ALDH1A2: variants seen among roughly 807,000 people sequenced by gnomAD.
The protein encoded by ALDH1A2 is retinal dehydrogenase 2.
Under a neutral mutation model 60.3 loss-of-function variants are expected in ALDH1A2, and 27 were observed. The observed-to-expected ratio is 0.45, with a 90% CI of 0.33 to 0.62. The LOEUF (loss-of-function observed/expected upper bound fraction) is 0.62. ALDH1A2 is among the 20% of genes least tolerant of loss of function. The pLI is 0.02. For synonymous variants in ALDH1A2, 289 were observed against 232.4 expected, an observed-to-expected ratio of 1.24 and a Z score of -2.21; for missense variants, 581 against 643.8, an observed-to-expected ratio of 0.90 and a Z score of 1.06.
intron 3 of ALDH1A2, among the ~76,000 whole-genome samples, chr15:58,011,283 A>G (rs147181796): frequency 3.0e-4 from 46 of 152,354 alleles, no homozygotes; most frequent in African/African-American, 1.1e-3. Context: ...CAAATAAACA[A>G]GATCTCCTCT....
intron 4 of ALDH1A2, among the ~76,000 whole-genome samples, chr15:57,996,020 G>C (rs1291027413): frequency 6.6e-6 from 1 of 151,916 alleles, no homozygotes; most frequent in Non-Finnish European, 1.5e-5. Context: ...TCCCTCCACT[G>C]CCGGCCCTTA....
chr15:58,065,623 C>G lies in ALDH1A2; in HGVS notation c.28G>C (p.Gly10Arg). The change falls in exon 1 of 13, where the codon GGC (glycine) becomes CGC (arginine). Residue 10 changes from glycine to arginine, a missense_variant. This residue lies in a region of ALDH1A2 where 206 missense variants were observed against 174.1 expected (regional missense o/e 1.18). Transcript: ENST00000249750. The part of the protein sequence containing the change: MTSSKIEMP[G>R]EVKADPAALM... ...GCGGCGGGGTCGGCCTTCACCTCGCCGGGCATCTCTATCTTGCTGGAAGTC... is the reference window on the plus strand; with the variant it reads ...GCGGCGGGGTCGGCCTTCACCTCGCGGGGCATCTCTATCTTGCTGGAAGTC... 3 of 1,606,424 alleles carry G rather than the reference C, an allele frequency of 1.9e-6. No individual in the cohort carries two copies. Among genetic ancestry groups the G allele is most frequent in the Non-Finnish European group, 2.6e-6 (3 of 1,176,048 alleles).
chr15:57,976,249 G>C (rs1370219438), intron 7 of ALDH1A2, among the ~76,000 whole-genome samples: 1 of 152,172 alleles, frequency 6.6e-6, no homozygotes, highest in Non-Finnish European at 1.5e-5. Flanking sequence ...AATCATGAGT[G>C]AGTTCCTTAA....
At chr15:58,020,335 T>G (rs1895892806) in intron 1 of ALDH1A2, among the ~76,000 whole-genome samples, 1 of 152,234 alleles carries the variant, frequency 6.6e-6, no homozygotes, top group Non-Finnish European at 1.5e-5. Context: ...GTATACCCAG[T>G]AATGGGATTG....
At chr15:58,063,037 A>G (rs1335647555) in intron 1 of ALDH1A2, among the ~76,000 whole-genome samples, 1 of 152,164 alleles carries the variant, frequency 6.6e-6, no homozygotes, top group Non-Finnish European at 1.5e-5. Context: ...TACTTCTAGG[A>G]GGAGGAGGAA....
chr15:58,056,246 A>C (rs763141220), intron 1 of ALDH1A2, among the ~76,000 whole-genome samples: 44 of 152,104 alleles, frequency 2.9e-4, no homozygotes, highest in Non-Finnish European at 5.0e-4. Context: ...AGTGTGTATT[A>C]AAACCATCAA....
chr15:57,995,464 A>T (rs1314355610), intron 4 of ALDH1A2, among the ~76,000 whole-genome samples: 2 of 152,094 alleles, frequency 1.3e-5, no homozygotes, highest in Non-Finnish European at 2.9e-5. Context: ...TTTATGTTAA[A>T]TATTAAAATA....
At chr15:58,054,938 T>G (rs574697734) in intron 1 of ALDH1A2, among the ~76,000 whole-genome samples, 91 of 152,206 alleles carry the variant, frequency 6.0e-4, no homozygotes, top group African/African-American at 2.1e-3. Flanking sequence ...TACTCCCATT[T>G]TTGTCTGGTT....
chr15:58,035,652 GACTT>G (rs1896360249), intron 1 of ALDH1A2, among the ~76,000 whole-genome samples: 2 of 151,576 alleles, frequency 1.3e-5, no homozygotes, highest in South Asian at 4.1e-4. Context: ...TTTCTCTTGA[GACTT>G]ACTCTTTAAC....
intron 1 of ALDH1A2, among the ~76,000 whole-genome samples, chr15:58,021,829 G>A (rs1854634030): frequency 6.6e-6 from 1 of 152,242 alleles, no homozygotes. Flanking sequence ...AGTGCTGGTA[G>A]ACATGTGTTG....
chr15:57,953,767 A>G lies in ALDH1A2; in HGVS notation c.*1430T>C, dbSNP rs1277426013. ...GATCGTTAAATACAGAAGGCTATAT[A>G]TATGTTGCCCATATTCCACATACTC... On this transcript the variant is annotated 3_prime_UTR_variant, in exon 13 of 13. Transcript: ENST00000249750. 1 of 152,358 alleles carries G rather than the reference A, an allele frequency of 6.6e-6. No individual in the cohort carries two copies. The highest frequency in any genetic ancestry group is 2.4e-5 in the African/African-American group (1 of 41,460). 9.4% of individuals were successfully genotyped at this position (152,358 alleles called of 1,614,324 possible).
chr15:57,967,282 T>G (rs1422480167), intron 7 of ALDH1A2, among the ~76,000 whole-genome samples: 4 of 152,008 alleles, frequency 2.6e-5, no homozygotes, highest in African/African-American at 4.8e-5. Flanking sequence ...ATAAAAATAC[T>G]ATGTACTTCA....
intron 12 of ALDH1A2, among the ~76,000 whole-genome samples, chr15:57,955,583 A>G (rs2197092): frequency 0.47 from 71,459 of 152,126 alleles, 17,279 homozygotes; most frequent in Non-Finnish European, 0.54. Context: ...GAGAACTACC[A>G]TCAGCCTTGG....
At chr15:58,059,035 T>G (rs1253460716) in intron 1 of ALDH1A2, among the ~76,000 whole-genome samples, 1 of 152,160 alleles carries the variant, frequency 6.6e-6, no homozygotes, top group East Asian at 1.9e-4. Flanking sequence ...AGACTTGTTG[T>G]AAATAAACCT....
At chr15:58,029,271 G>A (rs1385356199) in intron 1 of ALDH1A2, among the ~76,000 whole-genome samples, 1 of 152,164 alleles carries the variant, frequency 6.6e-6, no homozygotes, top group African/African-American at 2.4e-5. Context: ...CATGGAAACT[G>A]AACAACCTGC....
chr15:58,034,457 A>G (rs1010025664), intron 1 of ALDH1A2, among the ~76,000 whole-genome samples: 8 of 151,458 alleles, frequency 5.3e-5, no homozygotes, highest in Admixed American at 2.0e-4. Flanking sequence ...GTCTGTATAC[A>G]TTTTCTTTTC....
intron 4 of ALDH1A2, among the ~76,000 whole-genome samples, chr15:58,002,809 T>C (rs1411303488): frequency 1.3e-5 from 2 of 151,934 alleles, no homozygotes; most frequent in Non-Finnish European, 2.9e-5. Flanking sequence ...AGCTGGCAAT[T>C]CTTTGATGAC....
intron 1 of ALDH1A2, among the ~76,000 whole-genome samples, chr15:58,039,052 G>A (rs1896448355): frequency 6.6e-6 from 1 of 151,632 alleles, no homozygotes; most frequent in African/African-American, 2.4e-5. Flanking sequence ...CCCACCCCTT[G>A]AATTCTTTTG....
rs775851511 is a variant in ALDH1A2, at chr15:57,993,092, A to T, written c.556-19T>A. 18 of 1,610,594 alleles carry T rather than the reference A, an allele frequency of 1.1e-5. No homozygotes were observed. In the Admixed American group the frequency reaches 1.8e-4, roughly 16 times the overall value. On this transcript the variant is annotated intron_variant, in intron 5 of 12. Coordinates refer to ENST00000249750, the MANE Select transcript of ALDH1A2 (RefSeq NM_003888.4). ...AGTTCCACTGAAAGGAAAAAACTCAAAGTTGATAGATGGAAAAACATTCTT... is the reference window on the plus strand; with the variant it reads ...AGTTCCACTGAAAGGAAAAAACTCATAGTTGATAGATGGAAAAACATTCTT...
Sources: allele counts gnomAD v4.1 joint callset (sites outside exome capture counted in the v4.1 genomes callset), GRCh38; gene constraint gnomAD v4.1.1; regional missense constraint gnomAD v4.1.1; transcripts MANE v1.5; gene names NCBI Gene and HGNC (gene_info 2026-07-23, HGNC 2026-07-21).